FER1L5: variants seen among roughly 807,000 people sequenced by gnomAD.
FER1L5 encodes the protein fer-1 like family member 5.
A neutral mutation model predicts 279.9 loss-of-function variants in FER1L5; 187 were observed. The observed-to-expected ratio is 0.67, with a 90% CI of 0.59 to 0.75. FER1L5 has a LOEUF of 0.75. Ranked by LOEUF, FER1L5 falls within the 30% of genes least tolerant of loss-of-function variation. The probability of loss-of-function intolerance (pLI) is 0.00; values close to 1 mark genes in which losing one functional copy is unlikely to be tolerated. For synonymous variants in FER1L5, 921 were observed against 989.7 expected (o/e 0.93, Z 1.30); for missense variants, 2,091 against 2,594.4 (o/e 0.81, Z 4.21).
intron 18 of FER1L5, among the ~76,000 whole-genome samples, chr2:96,670,696 G>T (rs1452093328): frequency 6.6e-6 from 1 of 152,012 alleles, no homozygotes; most frequent in Non-Finnish European, 1.5e-5. Flanking sequence ...TGAGGCAGGA[G>T]AATCACTTGA....
intron 32 of FER1L5, 41 bp downstream of exon 32, chr2:96,693,728 TCA>T: frequency 6.5e-7 from 1 of 1,533,352 alleles, no homozygotes; most frequent in Non-Finnish European, 8.8e-7. Context: ...AGGACCTACC[TCA>T]CAGAGTGGCT....
At chr2:96,668,835 G>A in intron 15 of FER1L5, 41 bp downstream of exon 15, 2 of 1,551,706 alleles carry the variant, frequency 1.3e-6, no homozygotes, top group Non-Finnish European at 1.7e-6. Context: ...AGGGAAGGAA[G>A]AAATGAGAGC....
chr2:96,692,609 G>A (rs1016526313), intron 31 of FER1L5, among the ~76,000 whole-genome samples: 3 of 152,216 alleles, frequency 2.0e-5, no homozygotes, highest in East Asian at 1.9e-4. Flanking sequence ...GGGCAAGAGA[G>A]AGGGCAGTAT....
rs760314835 is a variant in FER1L5, at chr2:96,695,889, C to T, written c.4042C>T (p.His1348Tyr). ...FCDPWAQDYM[H>Y]PKLPTLSEKK... is the part of the protein sequence containing the mutation. The stretch of plus-strand genomic sequence containing the variant: ...TGACCCCTGGGCTCAAGACTATATG[C>T]ACCCAAAGCTTCCAAGTACGGCCCT... Residue 1348 changes from histidine to tyrosine, a missense_variant, in exon 36 of 53, where the codon CAC (histidine) becomes TAC (tyrosine). Coordinates refer to ENST00000624922, the MANE Select transcript of FER1L5 (RefSeq NM_001293083.2). 1.9e-6 allele frequency: 3 copies of T among 1,613,468 alleles called. No homozygotes were observed. Among genetic ancestry groups the T allele is most frequent in the East Asian group, 4.5e-5 (2 of 44,892 alleles).
At chr2:96,686,144 G>C in intron 22 of FER1L5, 27 bp downstream of exon 22, 2 of 1,547,216 alleles carry the variant, frequency 1.3e-6, no homozygotes, top group Non-Finnish European at 1.7e-6. Flanking sequence ...CTGGCCTGCA[G>C]CAGGGCTGGG....
rs1016753792 is a variant in FER1L5 at position 96,694,019 on chromosome 2, G to A, written c.3583G>A (p.Gly1195Arg). Residue 1195 changes from glycine to arginine, a missense_variant, in exon 33 of 53, where the codon GGG becomes AGG. Physicochemically the swap from Gly to Arg is moderately radical, Grantham distance 125. Transcript: ENST00000624922. This position sits in a 1 kb window ranked among gnomAD's most constrained non-coding sequence, Gnocchi z 4.6. ...GTGGCATCCCCTTGTAAAGGAGTTG[G>A]GGAAGGAAGAGGGCGAGATCTTGGC... ...MRWHPLVKEL[G>R]KEEGEILASC... The A allele has an allele frequency of 3.9e-6, 6 of 1,550,262 alleles. No individual in the cohort carries two copies. The highest frequency in any genetic ancestry group is 5.2e-6 in the Non-Finnish European group (6 of 1,146,990).
chr2:96,690,450 C>T, intron 26 of FER1L5, 37 bp from the exon 27 acceptor site: 3 of 1,538,282 alleles, frequency 2.0e-6, no homozygotes, highest in Non-Finnish European at 2.6e-6. Flanking sequence ...CCTCCCAGCT[C>T]ATGTGCCCCT....
chr2:96,690,526 C>T lies in FER1L5; in HGVS notation c.2680C>T (p.Pro894Ser). 1.9e-6 allele frequency: 3 copies of T among 1,551,620 alleles called. No individual in the cohort carries two copies. Among genetic ancestry groups the T allele is most frequent in the African/African-American group, 1.4e-5 (1 of 73,158 alleles). Residue 894 changes from proline (P) to serine (S), a missense_variant, in exon 27 of 53, where the codon CCC becomes TCC. Physicochemically the swap from Pro to Ser is moderately conservative, Grantham distance 74. Transcript: ENST00000624922. ...GGAGGCCCGGGAGAACGTGAAGTGCCCCCAAGGCTGGCACTTTAAGAAGGA... is the reference window on the plus strand; with the variant it reads ...GGAGGCCCGGGAGAACGTGAAGTGCTCCCAAGGCTGGCACTTTAAGAAGGA... The part of the protein sequence containing the change: ...PMEARENVKC[P>S]QGWHFKKDWV...
At chr2:96,696,888 G>A (rs939622397) in intron 37 of FER1L5, among the ~76,000 whole-genome samples, 4 of 152,164 alleles carry the variant, frequency 2.6e-5, no homozygotes, top group African/African-American at 9.7e-5. Context: ...CTAGGCAACA[G>A]AGTGAGACTT....
chr2:96,654,753 G>T (rs2075528426), intron 9 of FER1L5: 2 of 209,234 alleles, frequency 9.6e-6, no homozygotes, highest in South Asian at 1.9e-4. Context: ...CAAAAAATTA[G>T]CGGGGTGAGG....
At chr2:96,649,533 G>T in intron 4 of FER1L5, 90 bp from the exon 5 acceptor site, 17 of 1,289,578 alleles carry the variant, frequency 1.3e-5, no homozygotes, top group Non-Finnish European at 1.7e-5. Context: ...GGAGGACCAG[G>T]TGTGAACCCA....
chr2:96,693,506 G>C lies in FER1L5; in HGVS notation c.3293G>C (p.Gly1098Ala), dbSNP rs1349265483. 4.5e-6 allele frequency: 7 copies of C among 1,551,124 alleles called. No homozygotes were observed. The highest frequency in any genetic ancestry group is 6.1e-6 in the Non-Finnish European group (7 of 1,146,728). ...GCTACCTTCTCCTCTACCCCTCCAG[G>C]GCCCTTCATTCGGGTGGTCTTCCTG... ...LVSNQILTFQ[G>A]PFIRVVFLNH... The change falls in exon 32 of 53, where the codon GGG (glycine) becomes GCG (alanine). Residue 1098 changes from glycine to alanine, a missense_variant and splice_region_variant. Physicochemically the swap from Gly to Ala is moderately conservative, Grantham distance 60. Coordinates refer to ENST00000624922, the MANE Select transcript of FER1L5 (RefSeq NM_001293083.2).
Position 96,669,108 on chromosome 2 carries a change from G to T in FER1L5, c.1333G>T (p.Ala445Ser). The T allele has an allele frequency of 6.4e-7, 1 of 1,551,638 alleles. No homozygotes were observed. The highest frequency in any genetic ancestry group is 8.7e-7 in the Non-Finnish European group (1 of 1,146,992). ...SFLTLHGGKKAPFRIQEEGAC... is the reference protein window; with the variant it reads ...SFLTLHGGKKSPFRIQEEGAC... ...CCTGACTCTGCATGGGGGTAAAAAGGCCCCTTTCAGGATCCAGGAAGAAGG... is the reference window on the plus strand; with the variant it reads ...CCTGACTCTGCATGGGGGTAAAAAGTCCCCTTTCAGGATCCAGGAAGAAGG... The change falls in exon 17 of 53, where the codon GCC becomes TCC. Residue 445 changes from alanine to serine, a missense_variant. By Grantham distance (99) the Ala-to-Ser change is moderately conservative. Transcript: ENST00000624922.
At chr2:96,643,504 C>G (rs966304788) in intron 1 of FER1L5, among the ~76,000 whole-genome samples, 9 of 152,020 alleles carry the variant, frequency 5.9e-5, no homozygotes, top group African/African-American at 1.9e-4. Flanking sequence ...CACATGCCAC[C>G]ACACCCAGCT....
intron 4 of FER1L5, among the ~76,000 whole-genome samples, 166 bp downstream of exon 4, chr2:96,648,052 T>C (rs1449749826): frequency 6.6e-6 from 1 of 152,188 alleles, no homozygotes; most frequent in Non-Finnish European, 1.5e-5. Flanking sequence ...CCCCAACGCA[T>C]CTATTTAGAT....
intron 42 of FER1L5, 52 bp downstream of exon 42, chr2:96,699,188 C>T: frequency 1.3e-6 from 2 of 1,540,528 alleles, no homozygotes; most frequent in Non-Finnish European, 1.8e-6. Flanking sequence ...CCACACCACA[C>T]TGGAAGTCGG....
chr2:96,695,333 G>A, intron 34 of FER1L5, 176 bp from the exon 35 acceptor site: 2 of 826,266 alleles, frequency 2.4e-6, no homozygotes, highest in Non-Finnish European at 3.6e-6. Flanking sequence ...ATCCCTCACA[G>A]GACGGGGAAG....
At chr2:96,681,169 AC>A (rs2076710123) in intron 19 of FER1L5, among the ~76,000 whole-genome samples, 1 of 152,174 alleles carries the variant, frequency 6.6e-6, no homozygotes, top group African/African-American at 2.4e-5. Flanking sequence ...GTAGTTTGTT[AC>A]CAGCCTGGGT....
intron 14 of FER1L5, among the ~76,000 whole-genome samples, chr2:96,666,940 C>A (rs192451148): frequency 3.3e-5 from 5 of 152,230 alleles, no homozygotes; most frequent in Admixed American, 3.3e-4. Context: ...GCATTAGCCA[C>A]CGCATCTGGC....
Sources: allele counts gnomAD v4.1 joint callset (sites outside exome capture counted in the v4.1 genomes callset), GRCh38; gene constraint gnomAD v4.1.1; non-coding constraint Gnocchi (gnomAD v3.1); transcripts MANE v1.5; gene names NCBI Gene and HGNC (gene_info 2026-07-23, HGNC 2026-07-21).